The following ZEB2 variants were observed in gnomAD, a reference collection of about 807,000 sequenced individuals.
The protein encoded by ZEB2 is zinc finger E-box-binding homeobox 2.
A neutral mutation model predicts 99.9 loss-of-function variants in ZEB2; 6 were observed. The ratio of observed to expected loss-of-function variants is 0.06; its 90% CI spans 0.03 to 0.12. ZEB2 has a LOEUF of 0.12. Among genes scored for constraint, ZEB2 ranks in the 10% least tolerant of loss-of-function variants. The pLI is 1.00. For synonymous variants in ZEB2, 517 were observed against 542.5 expected (o/e 0.95, Z 0.65); for missense variants, 969 against 1,502.8 (o/e 0.64, Z 5.87).
Position 144,389,066 on chromosome 2 carries a change from G to A in ZEB2, c.*385C>T, listed in dbSNP as rs1703119599. On this transcript the variant is annotated 3_prime_UTR_variant, in exon 10 of 10. Transcript: ENST00000627532. This position sits in a 1 kb window ranked among gnomAD's most constrained non-coding sequence, Gnocchi z 6.8. ...AATAATAATAAAAATACTGATGTATGGTAGTGCGGGCACCTTTTTAAAATG... is the reference window on the plus strand; with the variant it reads ...AATAATAATAAAAATACTGATGTATAGTAGTGCGGGCACCTTTTTAAAATG... 4.2e-6 allele frequency: 2 copies of A among 476,306 alleles called. No homozygotes were observed. The highest frequency in any genetic ancestry group is 4.0e-5 in the African/African-American group (2 of 50,604). The allele number at this position is 476,306 out of a possible 1,614,324, so 29.5% of individuals were successfully genotyped here.
chr2:144,509,303 G>A (rs971938542), intron 2 of ZEB2, among the ~76,000 whole-genome samples: 5 of 152,062 alleles, frequency 3.3e-5, no homozygotes, highest in Non-Finnish European at 7.4e-5. Flanking sequence ...CACTTTCCCC[G>A]CAAGTGTCCA....
Position 144,399,556 on chromosome 2 carries a change from G to T in ZEB2, c.1631C>A (p.Thr544Asn). 1 of 1,614,166 alleles carries T rather than the reference G, an allele frequency of 6.2e-7. No individual in the cohort carries two copies. The highest frequency in any genetic ancestry group is 8.5e-7 in the Non-Finnish European group (1 of 1,180,024). ...ACTGATCTGTCTCCTTGAGTCAGTAGTCAAGCTCTGGAGGCAAGCTTTGGC... is the reference window on the plus strand; with the variant it reads ...ACTGATCTGTCTCCTTGAGTCAGTATTCAAGCTCTGGAGGCAAGCTTTGGC... ...NEAKACLQSLTTDSRRQISNI... is the reference protein window; with the variant it reads ...NEAKACLQSLNTDSRRQISNI... The change falls in exon 8 of 10, where the codon ACT becomes AAT. Residue 544 changes from threonine to asparagine, a missense_variant. Physicochemically the swap from Thr to Asn is moderately conservative, Grantham distance 65 (BLOSUM62 0). Coordinates refer to ENST00000627532, the MANE Select transcript of ZEB2 (RefSeq NM_014795.4). This position sits in a 1 kb window ranked among gnomAD's most constrained non-coding sequence, Gnocchi z 5.6.
intron 2 of ZEB2, among the ~76,000 whole-genome samples, chr2:144,487,181 A>T (rs1704610766): frequency 6.6e-6 from 1 of 151,690 alleles, no homozygotes; most frequent in Admixed American, 6.6e-5. Flanking sequence ...TTTACCTTTG[A>T]TAAGAACAAC....
chr2:144,449,207 C>T (rs1704024011), intron 2 of ZEB2, among the ~76,000 whole-genome samples: 5 of 152,176 alleles, frequency 3.3e-5, no homozygotes, highest in Admixed American at 3.3e-4. Context: ...TGAACTTCTA[C>T]ACTGCACCTC....
rs1179679807 is a variant in ZEB2, at chr2:144,388,238, A to C, written c.*1213T>G. On this transcript the variant is annotated 3_prime_UTR_variant, in exon 10 of 10. Coordinates refer to ENST00000627532, the MANE Select transcript of ZEB2 (RefSeq NM_014795.4). This position sits in a 1 kb window ranked among gnomAD's most constrained non-coding sequence, Gnocchi z 5.4. ...ACAAGATCGTATCAAAAGTTCCCAA[A>C]TTTGGAATTTCCAGTAATTGGAAAA... 6.6e-6 allele frequency: 1 copy of C among 152,598 alleles called. No individual in the cohort carries two copies. The highest frequency in any genetic ancestry group is 1.9e-4 in the East Asian group (1 of 5,204). The allele number at this position is 152,598 out of a possible 1,614,324, so 9.5% of individuals were successfully genotyped here.
intron 2 of ZEB2, among the ~76,000 whole-genome samples, chr2:144,488,260 G>A (rs539277663): frequency 6.6e-6 from 1 of 152,278 alleles, no homozygotes; most frequent in Admixed American, 6.5e-5. Context: ...AAGACCCTAG[G>A]CACCTTAGGC....
rs939015459 is a variant in ZEB2, at chr2:144,404,903, A to G, written c.525T>C (p.Ile175=). Residue 175 remains isoleucine (I), a synonymous_variant, in exon 5 of 10, where the codon ATT becomes ATC. Coordinates refer to ENST00000627532, the MANE Select transcript of ZEB2 (RefSeq NM_014795.4). ...ACAGCTCCTCAGGGGCTTCTGGGTA[A>G]ATAATGGCTGTGTCACTGCGCTGAA... is the stretch of plus-strand genomic sequence containing the variant. ...EYLQRSDTAI[I]YPEAPEELSR... is the part of the protein sequence containing the mutation. 7 of 1,614,252 alleles carry G rather than the reference A, an allele frequency of 4.3e-6. No individual in the cohort carries two copies. Among genetic ancestry groups the G allele is most frequent in the Non-Finnish European group, 5.9e-6 (7 of 1,180,028 alleles).
At chr2:144,460,174 T>C (rs1197324194) in intron 2 of ZEB2, among the ~76,000 whole-genome samples, 2 of 152,138 alleles carry the variant, frequency 1.3e-5, no homozygotes, top group African/African-American at 2.4e-5. Flanking sequence ...CCAAGTGACG[T>C]AGGTTAGAGA....
At chr2:144,401,170 A>T in intron 7 of ZEB2, 29 bp downstream of exon 7, 1 of 1,597,692 alleles carries the variant, frequency 6.3e-7, no homozygotes, top group Non-Finnish European at 8.6e-7. Context: ...TAAAATGCAA[A>T]TGCGAGCTCC....
chr2:144,441,056 G>T (rs13401103), intron 2 of ZEB2, among the ~76,000 whole-genome samples: 1 of 147,464 alleles, frequency 6.8e-6, no homozygotes, highest in East Asian at 2.0e-4. Flanking sequence ...CTAGTTTGCC[G>T]CCACCAGACA....
intron 4 of ZEB2, 35 bp from the exon 5 acceptor site, chr2:144,405,059 G>C (rs779086535): frequency 1.9e-6 from 3 of 1,602,698 alleles, no homozygotes; most frequent in Non-Finnish European, 2.6e-6. Context: ...TGTTGTTTCC[G>C]GGCCTTCTTC....
intron 2 of ZEB2, among the ~76,000 whole-genome samples, chr2:144,447,070 A>ATTT (rs1703995562): frequency 6.6e-6 from 1 of 152,022 alleles, no homozygotes; most frequent in Admixed American, 6.6e-5. Context: ...CAGTCAACTG[A>ATTT]TTTTAAAGTT....
At chr2:144,427,738 C>T (rs867460802) in intron 3 of ZEB2, 5 of 151,930 alleles carry the variant, frequency 3.3e-5, no homozygotes, top group South Asian at 2.1e-4. Context: ...AGGTAATAGC[C>T]GGGTAAGTTT....
rs1362127753 is a variant in ZEB2, at chr2:144,508,861, C to G, written c.73+8417G>C. Among the ~76,000 whole-genome samples, 3 of 152,062 alleles carry G rather than the reference C, an allele frequency of 2.0e-5. 1 individual carries two copies. Among genetic ancestry groups the G allele is most frequent in the African/African-American group, 7.2e-5 (3 of 41,396 alleles). ...GGAGAGAGGCCCCAGCTGCTTCATT[C>G]CCTCTAGCTACCGTAGTCTAATATT... On this transcript the variant is annotated intron_variant, in intron 2 of 9. Coordinates refer to ENST00000627532, the MANE Select transcript of ZEB2 (RefSeq NM_014795.4).
rs139369265 is a variant in ZEB2, at chr2:144,398,586, C to T, written c.2601G>A (p.Lys867=). The change falls in exon 8 of 10, where the codon AAG becomes AAA. Residue 867 remains lysine (K), a synonymous_variant. Coordinates refer to ENST00000627532, the MANE Select transcript of ZEB2 (RefSeq NM_014795.4). ...DEPLNLTFIK[K]EFSNSNNLDN... ...CCAGATTATTTGAATTTGAAAATTCCTTCTTGATAAAAGTCAAGTTCAGAG... is the reference window on the plus strand; with the variant it reads ...CCAGATTATTTGAATTTGAAAATTCTTTCTTGATAAAAGTCAAGTTCAGAG... The T allele has an allele frequency of 4.5e-5, 72 of 1,614,184 alleles. No individual in the cohort carries two copies. The African/African-American group carries it at 9.3e-4, about 21-fold the overall frequency.
At chr2:144,500,363 A>C (rs1330274024) in intron 2 of ZEB2, among the ~76,000 whole-genome samples, 4 of 152,222 alleles carry the variant, frequency 2.6e-5, no homozygotes, top group Admixed American at 2.0e-4. Flanking sequence ...GTTGATTGTA[A>C]CACAGCACAC....
In ZEB2 at chr2:144,396,422, G is replaced by A. The variant is rs541915540; in HGVS notation, c.3057C>T (p.Tyr1019=). 77 of 1,613,456 alleles carry A rather than the reference G, an allele frequency of 4.8e-5. No individual in the cohort carries two copies. The highest frequency in any genetic ancestry group is 2.0e-4 in the African/African-American group (15 of 75,034). ...CAAAGTCACTCATACCTGTGTGTTC[G>A]TATTTATGTCGCAGAAGGGAACTGC... ...QKSSSLLRHK[Y]EHTGKRPHQC... Residue 1019 remains tyrosine (Y), a synonymous_variant, in exon 9 of 10, where the codon TAC becomes TAT. Transcript: ENST00000627532.
chr2:144,497,917 T>C (rs796747792), intron 2 of ZEB2, among the ~76,000 whole-genome samples: 1 of 56,056 alleles, frequency 1.8e-5, no homozygotes, highest in African/African-American at 8.1e-5. Context: ...ATATATATTA[T>C]ATATTATATA....
intron 2 of ZEB2, among the ~76,000 whole-genome samples, chr2:144,514,991 C>T (rs1160943723): frequency 1.3e-5 from 2 of 152,180 alleles, no homozygotes; most frequent in Non-Finnish European, 2.9e-5. Flanking sequence ...TGCCAGGTCT[C>T]CTAGGGGTTC....
Sources: gnomAD v4.1 joint callset for allele counts (sites outside exome capture counted in the v4.1 genomes callset) on GRCh38, gnomAD v4.1.1 for gene constraint, Gnocchi (gnomAD v3.1) non-coding constraint, MANE v1.5 for transcripts, NCBI Gene and HGNC (gene_info 2026-07-23, HGNC 2026-07-21) for gene names.